CLSTN1: variants seen among roughly 807,000 people sequenced by gnomAD.
CLSTN1 encodes calsyntenin 1, also known as calsyntenin-1.
Under a neutral mutation model 108.3 loss-of-function variants are expected in CLSTN1, and 28 were observed. That is an observed-to-expected ratio of 0.26 (90% CI 0.19 to 0.35). The LOEUF (loss-of-function observed/expected upper bound fraction) is 0.35. CLSTN1 is among the 10% of genes least tolerant of loss of function. CLSTN1 has a pLI of 1.00. For missense variants in CLSTN1, 1,157 were observed against 1,302.6 expected (o/e 0.89, Z 1.72); for synonymous variants, 524 against 534.9 (o/e 0.98, Z 0.28).
At chr1:9,743,823 G>T in intron 9 of CLSTN1, 61 bp downstream of exon 9, 1 of 1,587,234 alleles carries the variant, frequency 6.3e-7, no homozygotes, top group Non-Finnish European at 8.6e-7. Context: ...CTCCCAAAGT[G>T]CTGGGATTAT....
rs1557686182 is a variant in CLSTN1, at chr1:9,729,855, G to GGGGTGGGGCT, written c.*652_*653insAGCCCCACCC. ...CCATACTCAGACCTGAGCAGGGGCT[G>GGGGTGGGGCT]GGGCGGGGCTGGGCGGGGTGGGCCT... On this transcript the variant is annotated 3_prime_UTR_variant, in exon 19 of 19. Coordinates refer to ENST00000377298, the MANE Select transcript of CLSTN1 (RefSeq NM_001009566.3). 3 of 154,542 alleles carry GGGGTGGGGCT rather than the reference G, an allele frequency of 1.9e-5. No homozygotes were observed. The highest frequency in any genetic ancestry group is 7.2e-5 in the African/African-American group (3 of 41,432). The allele number at this position is 154,542 out of a possible 1,614,324, so 9.6% of individuals were successfully genotyped here.
At chr1:9,788,867 CAAAA>C (rs56093052) in intron 1 of CLSTN1, among the ~76,000 whole-genome samples, 1 of 76,274 alleles carries the variant, frequency 1.3e-5, no homozygotes, top group Non-Finnish European at 2.5e-5. Flanking sequence ...GACTCCGTCT[CAAAA>C]AAAAAAAAAA....
Position 9,823,585 on chromosome 1 carries a change from T to TGCACCCGGACCCGAATCCC in CLSTN1, c.91+39_91+57dup. 1 of 1,103,464 alleles carries TGCACCCGGACCCGAATCCC rather than the reference T, an allele frequency of 9.1e-7. No individual in the cohort carries two copies. 68.4% of individuals were successfully genotyped at this position (1,103,464 alleles called of 1,614,324 possible). ...AATCCCCGCACCGGGACCCGAATCC[T>TGCACCCGGACCCGAATCCC]GCACCCGGACCCGAATCCCGCACCG... On this transcript the variant is annotated intron_variant, in intron 1 of 18. Transcript: ENST00000377298. This position sits in a 1 kb window ranked among gnomAD's most constrained non-coding sequence, Gnocchi z 6.3.
At chr1:9,763,971 C>A (rs1386725060) in intron 2 of CLSTN1, among the ~76,000 whole-genome samples, 1 of 152,120 alleles carries the variant, frequency 6.6e-6, no homozygotes, top group Non-Finnish European at 1.5e-5. Context: ...AAAAAGGTTT[C>A]TTTGGTTCAC....
At chr1:9,798,105 A>AGAGAGAGG (rs200574835) in intron 1 of CLSTN1, among the ~76,000 whole-genome samples, 53 of 132,272 alleles carry the variant, frequency 4.0e-4, no homozygotes, top group South Asian at 2.0e-3. Flanking sequence ...CAACAAAGAA[A>AGAGAGAGG]GAGAGAGGGA....
At chr1:9,814,612 T>C (rs1490208082) in intron 1 of CLSTN1, among the ~76,000 whole-genome samples, 1 of 152,128 alleles carries the variant, frequency 6.6e-6, no homozygotes, top group Non-Finnish European at 1.5e-5. Context: ...AAAAATGTAA[T>C]GAATGAAGAA....
intron 1 of CLSTN1, among the ~76,000 whole-genome samples, chr1:9,795,471 C>T (rs7538320): frequency 1 from 151,258 of 151,428 alleles, 75,544 homozygotes; most frequent in Non-Finnish European, 1. Flanking sequence ...CGGCCAAATA[C>T]TAACATTTTT....
chr1:9,798,356 GGACA>G (rs1654106997), intron 1 of CLSTN1, among the ~76,000 whole-genome samples: 1 of 152,036 alleles, frequency 6.6e-6, no homozygotes, highest in South Asian at 2.1e-4. Flanking sequence ...ACAGATGAAC[GGACA>G]GACGAAATGC....
intron 1 of CLSTN1, among the ~76,000 whole-genome samples, chr1:9,784,172 C>CAA (rs34315931): frequency 9.7e-4 from 81 of 83,674 alleles, no homozygotes; most frequent in African/African-American, 1.8e-3. Flanking sequence ...AACTCTATCT[C>CAA]AAAAAAAAAA....
intron 16 of CLSTN1, among the ~76,000 whole-genome samples, chr1:9,732,160 C>T (rs911930961): frequency 6.6e-6 from 1 of 152,178 alleles, no homozygotes; most frequent in Non-Finnish European, 1.5e-5. Context: ...CTAATATTCT[C>T]ACACATTCCA....
chr1:9,820,538 A>C (rs113896839), intron 1 of CLSTN1, among the ~76,000 whole-genome samples: 38 of 152,158 alleles, frequency 2.5e-4, no homozygotes, highest in African/African-American at 2.4e-4. Flanking sequence ...AACAAACAAA[A>C]AAAAAACTTA....
intron 2 of CLSTN1, among the ~76,000 whole-genome samples, chr1:9,757,541 G>C (rs550212781): frequency 6.6e-6 from 1 of 151,964 alleles, no homozygotes; most frequent in Non-Finnish European, 1.5e-5. Flanking sequence ...GCACCCAGCC[G>C]AACAAAAGGT....
intron 11 of CLSTN1, among the ~76,000 whole-genome samples, chr1:9,736,842 G>A (rs1650716575): frequency 6.6e-6 from 1 of 152,156 alleles, no homozygotes; most frequent in South Asian, 2.1e-4. Context: ...AGGAGGCCGA[G>A]GCGGGTGGAT....
rs142472808 is a variant in CLSTN1, at chr1:9,730,680, T to C, written c.2774A>G (p.Glu925Gly). Residue 925 changes from glutamate (E) to glycine (G), a missense_variant, in exon 19 of 19, where the codon GAG becomes GGG. Transcript: ENST00000377298. This position sits in a 1 kb window ranked among gnomAD's most constrained non-coding sequence, Gnocchi z 5.6. The part of the protein sequence containing the change: ...METYEDQHSS[E>G]EEEEEEEEEE... Reference sequence around the variant, plus strand: ...TTCCTCTTCCTCTTCCTCCTCCTCCTCACTGCTGTGCTGGTCCTCATAGGT... The same window carrying C: ...TTCCTCTTCCTCTTCCTCCTCCTCCCCACTGCTGTGCTGGTCCTCATAGGT... The C allele has an allele frequency of 1.2e-4, 191 of 1,607,992 alleles. No homozygotes were observed. Among genetic ancestry groups the C allele is most frequent in the Non-Finnish European group, 1.6e-4 (183 of 1,179,260 alleles).
rs757662499 is a variant in CLSTN1, at chr1:9,730,526, G to A, written c.2928C>T (p.Asp976=). 4 of 1,605,068 alleles carry A rather than the reference G, an allele frequency of 2.5e-6. No homozygotes were observed. The highest frequency in any genetic ancestry group is 3.4e-6 in the Non-Finnish European group (4 of 1,179,944). ...ATRQQQLEWD[D]STLSY is the part of the protein sequence containing the mutation. ...GCACGGGTCAGTAGCTGAGGGTGGA[G>A]TCATCCCACTCCAGCTGCTGCTGCC... The change falls in exon 19 of 19, where the codon GAC becomes GAT. Residue 976 remains aspartate, a synonymous_variant. Transcript: ENST00000377298. The surrounding 1 kb of genome is among the most constrained non-coding windows in gnomAD (Gnocchi z 5.6).
intron 2 of CLSTN1, among the ~76,000 whole-genome samples, chr1:9,762,460 C>CAA (rs534167959): frequency 2.5e-5 from 3 of 120,372 alleles, no homozygotes; most frequent in Non-Finnish European, 3.7e-5. Flanking sequence ...GACTCTGTCT[C>CAA]AAAAAAAAAA....
rs1004480107 is a variant in CLSTN1 at position 9,730,803 on chromosome 1, C to A, written c.2749-98G>T. 1.2e-5 allele frequency: 14 copies of A among 1,168,036 alleles called. No individual in the cohort carries two copies. In the Admixed American group the frequency reaches 2.9e-4, roughly 24 times the overall value. 72.4% of individuals were successfully genotyped at this position (1,168,036 alleles called of 1,614,324 possible). A position where few individuals can be genotyped will look rare whatever the true frequency, so the allele number is the denominator to read the frequency against. ...ACAGCCACAGAGGAAGGAGAACTTG[C>A]CCCAGCGTCTCCCTCCCCAGCGACA... On this transcript the variant is annotated intron_variant, in intron 18 of 18. Coordinates refer to ENST00000377298, the MANE Select transcript of CLSTN1 (RefSeq NM_001009566.3). The surrounding 1 kb of genome is among the most constrained non-coding windows in gnomAD (Gnocchi z 5.6).
intron 1 of CLSTN1, among the ~76,000 whole-genome samples, chr1:9,815,897 C>T (rs111760050): frequency 3.3e-5 from 5 of 152,270 alleles, no homozygotes; most frequent in African/African-American, 1.2e-4. Flanking sequence ...GATAACATCA[C>T]TGCACTCCAG....
intron 1 of CLSTN1, among the ~76,000 whole-genome samples, chr1:9,793,673 C>T (rs1336921631): frequency 6.6e-6 from 1 of 151,504 alleles, no homozygotes; most frequent in Non-Finnish European, 1.5e-5. Flanking sequence ...CTGTATGTCC[C>T]GCCTCGGGTG....
Sources: allele counts gnomAD v4.1 joint callset (sites outside exome capture counted in the v4.1 genomes callset), GRCh38; gene constraint gnomAD v4.1.1; non-coding constraint Gnocchi (gnomAD v3.1); transcripts MANE v1.5; gene names NCBI Gene and HGNC (gene_info 2026-07-23, HGNC 2026-07-21).